CHRDL1: variants seen among roughly 807,000 people sequenced by gnomAD.
The protein encoded by CHRDL1 is chordin like 1.
In CHRDL1, 19 loss-of-function variants were observed where a neutral mutation model predicts 40.9. The ratio of observed to expected loss-of-function variants is 0.46; its 90% CI spans 0.32 to 0.68. The LOEUF (loss-of-function observed/expected upper bound fraction) is 0.68. Among genes scored for constraint, CHRDL1 ranks in the 30% least tolerant of loss-of-function variants. The pLI, the probability that CHRDL1 is intolerant of heterozygous loss-of-function variation, is 0.03. For synonymous variants in CHRDL1, 136 were observed against 123.4 expected (o/e 1.10, Z -0.68); for missense variants, 329 against 352.1 (o/e 0.93, Z 0.53).
intron 4 of CHRDL1, among the ~76,000 whole-genome samples, chrX:110,749,586 A>G (rs1218365703): frequency 8.9e-6 from 1 of 111,971 alleles, no homozygotes; most frequent in Non-Finnish European, 1.9e-5. Context: ...GACATTTATA[A>G]AATAGACTAC....
intron 2 of CHRDL1, among the ~76,000 whole-genome samples, chrX:110,784,195 C>T (rs1179168963): frequency 1.8e-5 from 2 of 111,724 alleles, no homozygotes; most frequent in Non-Finnish European, 1.9e-5. Context: ...AAGGGGAAAA[C>T]GTTTCTTATT....
intron 4 of CHRDL1, among the ~76,000 whole-genome samples, chrX:110,727,929 T>C (rs1305746197): frequency 8.9e-6 from 1 of 111,770 alleles, no homozygotes; most frequent in Non-Finnish European, 1.9e-5. Context: ...AAACAACTTC[T>C]ATGTCCATTG....
intron 11 of CHRDL1, among the ~76,000 whole-genome samples, chrX:110,678,846 G>A: frequency 9.0e-6 from 1 of 110,924 alleles, no homozygotes. Context: ...GTTTTTGAGT[G>A]CCTGAATGCT....
intron 6 of CHRDL1, among the ~76,000 whole-genome samples, chrX:110,709,431 G>A (rs2070706995): frequency 8.9e-6 from 1 of 112,225 alleles, no homozygotes; most frequent in Non-Finnish European, 1.9e-5. Flanking sequence ...CTGCATGCCT[G>A]CACATTGAAA....
intron 4 of CHRDL1, among the ~76,000 whole-genome samples, chrX:110,747,395 A>G (rs2148493529): frequency 1.3e-5 from 1 of 76,342 alleles, no homozygotes; most frequent in East Asian, 4.4e-4. Context: ...CCAAAAAAAA[A>G]AAAATCAAAA....
chrX:110,700,682 A>T lies in CHRDL1; in HGVS notation c.581T>A (p.Ile194Asn). Residue 194 changes from isoleucine (I) to asparagine (N), a missense_variant, in exon 7 of 12, where the codon ATC becomes AAC. Transcript: ENST00000372042. ...ELSWEHSDGD[I>N]FRQPANREAR... ...TTCTCTGTTGGCAGGTTGCCGGAAGATATCACCATCAGAATGTTCCCATGA... is the reference window on the plus strand; with the variant it reads ...TTCTCTGTTGGCAGGTTGCCGGAAGTTATCACCATCAGAATGTTCCCATGA... The T allele has an allele frequency of 8.4e-7, 1 of 1,194,103 alleles. No individual in the cohort carries two copies.
chrX:110,738,558 C>T lies in CHRDL1; in HGVS notation c.302-17028G>A, dbSNP rs759746131. ...GAGATCGAGACCATCCTGGCTAACA[C>T]GGTGAAACCCCATCTCTCCTAAAAA... is the stretch of plus-strand genomic sequence containing the variant. On this transcript the variant is annotated intron_variant, in intron 4 of 11. Coordinates refer to ENST00000372042, the MANE Select transcript of CHRDL1 (RefSeq NM_001143981.2). Among the ~76,000 whole-genome samples the T allele has an allele frequency of 7.3e-5, 8 of 109,797 alleles. No homozygotes were observed. In the East Asian group the frequency reaches 8.6e-4, roughly 12 times the overall value.
At chrX:110,712,703 TA>T (rs766401411) in intron 6 of CHRDL1, among the ~76,000 whole-genome samples, 7,630 of 95,242 alleles carry the variant, frequency 0.08, 721 homozygotes, top group African/African-American at 0.27. Context: ...ACCATGTCTC[TA>T]AAAAAAAAAA....
intron 7 of CHRDL1, among the ~76,000 whole-genome samples, 183 bp downstream of exon 7, chrX:110,700,471 A>G (rs769172952): frequency 1.4e-4 from 16 of 111,907 alleles, no homozygotes; most frequent in Non-Finnish European, 3.0e-4. Context: ...CCAGTTACCA[A>G]TTTTACAGTG....
Position 110,759,668 on chromosome X carries a change from G to A in CHRDL1, c.294C>T (p.Arg98=). ...AGAGACAAATTGCTTTACCTGGGCA[G>A]CGAGGGCAGCACAGATGAGGAATAT... ...PVHIPHLCCP[R]CPEDSLPPVN... is the part of the protein sequence containing the mutation. The change falls in exon 4 of 12, where the codon CGC becomes CGT. Residue 98 remains arginine, a synonymous_variant. Transcript: ENST00000372042. 1 of 1,190,683 alleles carries A rather than the reference G, an allele frequency of 8.4e-7. No homozygotes were observed. The highest frequency in any genetic ancestry group is 3.0e-5 in the East Asian group (1 of 33,736).
intron 4 of CHRDL1, among the ~76,000 whole-genome samples, chrX:110,725,051 G>A (rs996157613): frequency 3.6e-5 from 4 of 111,656 alleles, no homozygotes; most frequent in Admixed American, 9.5e-5. Flanking sequence ...ACCAGGCTGC[G>A]TGGCTTCTAA....
At chrX:110,700,937 G>T (rs2070500520) in intron 6 of CHRDL1, among the ~76,000 whole-genome samples, 1 of 111,914 alleles carries the variant, frequency 8.9e-6, no homozygotes, top group African/African-American at 3.3e-5. Flanking sequence ...TTTCTAAATA[G>T]ATGTCCTAGC....
At chrX:110,734,402 T>C (rs181104356) in intron 4 of CHRDL1, among the ~76,000 whole-genome samples, 16 of 112,157 alleles carry the variant, frequency 1.4e-4, no homozygotes, top group African/African-American at 4.5e-4. Context: ...GCAACCTCTA[T>C]GTTCTTTCCT....
intron 2 of CHRDL1, among the ~76,000 whole-genome samples, chrX:110,776,892 T>A (rs755627812): frequency 2.7e-5 from 3 of 111,056 alleles, no homozygotes. Context: ...ACTCTTGGTA[T>A]TGCACATTCT....
chrX:110,770,323 TG>T (rs745793043), intron 2 of CHRDL1, among the ~76,000 whole-genome samples: 11 of 109,190 alleles, frequency 1.0e-4, no homozygotes, highest in Non-Finnish European at 1.7e-4. Flanking sequence ...ATAAATAGTC[TG>T]TGGGTTGAAG....
intron 4 of CHRDL1, among the ~76,000 whole-genome samples, chrX:110,729,723 G>C: frequency 8.9e-6 from 1 of 111,826 alleles, no homozygotes; most frequent in Non-Finnish European, 1.9e-5. Flanking sequence ...GTCCTAGGGA[G>C]AGGAGAAGCC....
intron 4 of CHRDL1, among the ~76,000 whole-genome samples, chrX:110,731,728 T>A (rs2071164908): frequency 9.0e-6 from 1 of 111,293 alleles, no homozygotes; most frequent in African/African-American, 3.3e-5. Flanking sequence ...ACATACTGTA[T>A]AATTCCATTT....
At chrX:110,678,750 TAGA>T (rs1395201661) in intron 11 of CHRDL1, among the ~76,000 whole-genome samples, 2 of 110,832 alleles carry the variant, frequency 1.8e-5, no homozygotes, top group Non-Finnish European at 3.8e-5. Flanking sequence ...TTTATCCCAT[TAGA>T]AGTGCTCAAC....
At chrX:110,707,465 C>T (rs2070663903) in intron 6 of CHRDL1, among the ~76,000 whole-genome samples, 1 of 111,242 alleles carries the variant, frequency 9.0e-6, no homozygotes, top group South Asian at 3.8e-4. Flanking sequence ...TGGAACAGAA[C>T]AGAGGCCTCA....
Sources: allele counts gnomAD v4.1 joint callset (sites outside exome capture counted in the v4.1 genomes callset), GRCh38; gene constraint gnomAD v4.1.1; transcripts MANE v1.5; gene names NCBI Gene and HGNC (gene_info 2026-07-23, HGNC 2026-07-21).